The following OPCML variants were observed in gnomAD, a reference collection of about 807,000 sequenced individuals.
OPCML encodes the protein opioid-binding protein/cell adhesion molecule.
In OPCML, 13 loss-of-function variants were observed where a neutral mutation model predicts 37.8. That is an observed-to-expected ratio of 0.34 (90% CI 0.22 to 0.55). The LOEUF (loss-of-function observed/expected upper bound fraction) is 0.55. Ranked by LOEUF, OPCML falls within the 20% of genes least tolerant of loss-of-function variation. The pLI is 0.91. For missense variants in OPCML, 341 were observed against 435.6 expected (o/e 0.78, Z 1.93); for synonymous variants, 176 against 168.8 (o/e 1.04, Z -0.33).
chr11:133,457,785 T>C (rs1565644230), intron 1 of OPCML, among the ~76,000 whole-genome samples: 1 of 152,068 alleles, frequency 6.6e-6, no homozygotes, highest in Non-Finnish European at 1.5e-5. Flanking sequence ...CCAATAGACT[T>C]GTTCCAGAAG....
At chr11:132,625,588 T>C (rs1939691852) in intron 3 of OPCML, among the ~76,000 whole-genome samples, 1 of 152,188 alleles carries the variant, frequency 6.6e-6, no homozygotes, top group Non-Finnish European at 1.5e-5. Context: ...ATTTCCTAAA[T>C]GTGAAACTGA....
At chr11:133,340,907 C>G (rs985637361) in intron 1 of OPCML, among the ~76,000 whole-genome samples, 1 of 152,164 alleles carries the variant, frequency 6.6e-6, no homozygotes, top group African/African-American at 2.4e-5. Flanking sequence ...GGCCACATAG[C>G]TCCTGTTCTC....
At chr11:133,490,317 T>G (rs73025647) in intron 1 of OPCML, among the ~76,000 whole-genome samples, 2,222 of 152,312 alleles carry the variant, frequency 0.015, 21 homozygotes, top group Non-Finnish European at 0.023. Context: ...ATGACCTGCT[T>G]TTTTTGTAGT....
chr11:132,850,164 A>G (rs1465610786), intron 2 of OPCML, among the ~76,000 whole-genome samples: 1 of 152,114 alleles, frequency 6.6e-6, no homozygotes. Flanking sequence ...CATCCTCCTT[A>G]CTAAACAAAG....
chr11:132,618,375 C>T (rs780987657), intron 3 of OPCML, among the ~76,000 whole-genome samples: 3 of 152,010 alleles, frequency 2.0e-5, no homozygotes, highest in Non-Finnish European at 2.9e-5. Context: ...TGTGGTGGTG[C>T]ACCTCTAATC....
intron 1 of OPCML, among the ~76,000 whole-genome samples, chr11:133,408,414 C>T (rs987562041): frequency 2.6e-5 from 4 of 152,204 alleles, no homozygotes; most frequent in Admixed American, 6.5e-5. Context: ...AGATGGCGGG[C>T]TTGCTGAGCA....
chr11:132,452,356 C>T (rs971903524), intron 4 of OPCML, among the ~76,000 whole-genome samples: 1 of 152,094 alleles, frequency 6.6e-6, no homozygotes, highest in Non-Finnish European at 1.5e-5. Flanking sequence ...GAAGGAGTCC[C>T]CACCAGTGGC....
chr11:133,346,709 T>A (rs1944010149), intron 1 of OPCML, among the ~76,000 whole-genome samples: 1 of 152,198 alleles, frequency 6.6e-6, no homozygotes, highest in African/African-American at 2.4e-5. Context: ...GAATTAGCCA[T>A]CAGAAAACCT....
intron 3 of OPCML, among the ~76,000 whole-genome samples, chr11:132,572,057 T>G (rs1461639511): frequency 6.6e-6 from 1 of 152,146 alleles, no homozygotes; most frequent in African/African-American, 2.4e-5. Flanking sequence ...GCCATTTGTA[T>G]GTCTTCTTTG....
At chr11:132,895,451 T>A (rs1943802698) in intron 2 of OPCML, among the ~76,000 whole-genome samples, 1 of 152,184 alleles carries the variant, frequency 6.6e-6, no homozygotes, top group South Asian at 2.1e-4. Context: ...GCCACAGGTC[T>A]GGGATTGCTG....
chr11:132,724,426 C>A (rs1944794932), intron 2 of OPCML, among the ~76,000 whole-genome samples: 1 of 152,136 alleles, frequency 6.6e-6, no homozygotes, highest in Non-Finnish European at 1.5e-5. Context: ...ATCACGAGAA[C>A]AGCATGGGAA....
At chr11:132,997,757 C>T (rs533239490) in intron 1 of OPCML, among the ~76,000 whole-genome samples, 4 of 152,320 alleles carry the variant, frequency 2.6e-5, no homozygotes, top group African/African-American at 9.6e-5. Flanking sequence ...GTGTGTTTTC[C>T]ACAAATACTA....
chr11:132,839,298 T>C (rs891340920), intron 2 of OPCML, among the ~76,000 whole-genome samples: 1 of 152,124 alleles, frequency 6.6e-6, no homozygotes, highest in Non-Finnish European at 1.5e-5. Flanking sequence ...TGACATTTTA[T>C]CTCGGCAGAG....
chr11:132,974,157 G>A (rs1037725913), intron 1 of OPCML, among the ~76,000 whole-genome samples: 2 of 152,138 alleles, frequency 1.3e-5, no homozygotes, highest in Admixed American at 1.3e-4. Flanking sequence ...TTATATTTCA[G>A]CCTCACTATA....
intron 2 of OPCML, among the ~76,000 whole-genome samples, chr11:132,861,320 C>T (rs568942557): frequency 7.2e-5 from 11 of 152,224 alleles, no homozygotes; most frequent in African/African-American, 2.4e-4. Context: ...TAAGGGACAC[C>T]AGGTTAGTTA....
intron 4 of OPCML, among the ~76,000 whole-genome samples, chr11:132,520,702 G>GTGTGTGTGTGTATA (rs150655288): frequency 8.0e-5 from 12 of 149,726 alleles, no homozygotes; most frequent in Middle Eastern, 3.4e-3. Context: ...GTGTGTGTGT[G>GTGTGTGTGTGTATA]TATGCATATA....
chr11:132,420,016 C>CCAAAAA lies in OPCML; in HGVS notation c.*176_*177insTTTTTG. 2.0e-6 allele frequency: 1 copy of CCAAAAA among 493,578 alleles called. No individual in the cohort carries two copies. Among genetic ancestry groups the CCAAAAA allele is most frequent in the East Asian group, 3.6e-5 (1 of 27,720 alleles). 30.6% of individuals were successfully genotyped at this position (493,578 alleles called of 1,614,324 possible). ...ACCCTGCCCACCCCGCCCCCAACCC[C>CCAAAAA]ACTCATTCAAGCTGGAAATAAAAGC... On this transcript the variant is annotated 3_prime_UTR_variant, in exon 8 of 8. Transcript: ENST00000524381.
intron 3 of OPCML, among the ~76,000 whole-genome samples, chr11:132,539,159 G>GA (rs1262568780): frequency 6.6e-6 from 1 of 152,190 alleles, no homozygotes; most frequent in African/African-American, 2.4e-5. Flanking sequence ...GGAGAACACT[G>GA]ACGCTGAAAA....
intron 1 of OPCML, among the ~76,000 whole-genome samples, chr11:132,972,369 C>G (rs1183399778): frequency 6.6e-6 from 1 of 152,210 alleles, no homozygotes; most frequent in Non-Finnish European, 1.5e-5. Context: ...CTTACAGCAA[C>G]TGCAACCTGA....
Sources: allele counts gnomAD v4.1 joint callset (sites outside exome capture counted in the v4.1 genomes callset), GRCh38; gene constraint gnomAD v4.1.1; transcripts MANE v1.5; gene names NCBI Gene and HGNC (gene_info 2026-07-23, HGNC 2026-07-21).